The following PCDHGA4 variants were observed in gnomAD, a reference collection of about 807,000 sequenced individuals.
The protein encoded by PCDHGA4 is protocadherin gamma-A4.
Under a neutral mutation model 54.6 loss-of-function variants are expected in PCDHGA4, and 38 were observed. The observed-to-expected ratio is 0.70, with a 90% CI of 0.54 to 0.91. PCDHGA4 has a LOEUF of 0.91. Ranked by LOEUF, PCDHGA4 falls within the 40% of genes least tolerant of loss-of-function variation. The pLI is 0.00. For missense variants in PCDHGA4, 1,298 were observed against 1,220.9 expected, an observed-to-expected ratio of 1.06 and a Z score of -0.94; for synonymous variants, 511 against 512.9, an observed-to-expected ratio of 1.00 and a Z score of 0.05.
intron 1 of PCDHGA4, chr5:141,430,966 A>G: frequency 1.2e-6 from 2 of 1,612,916 alleles, no homozygotes. Context: ...TCATCCCCAG[A>G]GGTAGGACGC....
intron 1 of PCDHGA4, chr5:141,399,681 C>A (rs2093865042): frequency 1.2e-6 from 2 of 1,613,408 alleles, no homozygotes; most frequent in Non-Finnish European, 1.7e-6. Flanking sequence ...CCTTTGACTA[C>A]GAGCAGCTGC....
At chr5:141,418,672 G>A (rs1170411469) in intron 1 of PCDHGA4, 3 of 1,614,022 alleles carry the variant, frequency 1.9e-6, no homozygotes, top group Non-Finnish European at 2.5e-6. Context: ...ACCAGGACGA[G>A]GGCATCAACT....
chr5:141,490,331 C>G lies in PCDHGA4; in HGVS notation c.2515-4476C>G. 6.2e-7 allele frequency: 1 copy of G among 1,614,214 alleles called. No individual in the cohort carries two copies. The highest frequency in any genetic ancestry group is 1.1e-5 in the South Asian group (1 of 91,086). The stretch of plus-strand genomic sequence containing the variant: ...GCCAACCCTGTCCTAGAGAGCACAC[C>G]AGTGGGCACAGTAGTGGGGTTGTTT... On this transcript the variant is annotated intron_variant, in intron 1 of 3. Transcript: ENST00000571252. This position sits in a 1 kb window ranked among gnomAD's most constrained non-coding sequence, Gnocchi z 5.4.
chr5:141,438,764 C>T (rs963627140), intron 1 of PCDHGA4, among the ~76,000 whole-genome samples: 38 of 148,736 alleles, frequency 2.6e-4, no homozygotes, highest in African/African-American at 9.4e-4. Context: ...TGGGTTCAAG[C>T]GATTCTCCTG....
At chr5:141,410,117 C>T (rs768592770) in intron 1 of PCDHGA4, 6 of 1,612,766 alleles carry the variant, frequency 3.7e-6, no homozygotes, top group Admixed American at 3.3e-5. Context: ...GGACGCAGCC[C>T]GCCAGCGCCT....
intron 1 of PCDHGA4, chr5:141,423,881 G>A (rs2096788712): frequency 7.8e-7 from 1 of 1,281,784 alleles, no homozygotes; most frequent in Non-Finnish European, 9.9e-7. Flanking sequence ...TTCAATCTTG[G>A]CATATTTTCT....
chr5:141,433,358 C>CCCATCTAT (rs1554125967), intron 1 of PCDHGA4: 6 of 503,934 alleles, frequency 1.2e-5, no homozygotes, highest in Admixed American at 3.6e-5. Context: ...CTACTGTCTG[C>CCCATCTAT]CTATCTATCT....
chr5:141,460,951 GTA>G (rs200454978), intron 1 of PCDHGA4, among the ~76,000 whole-genome samples: 208 of 139,744 alleles, frequency 1.5e-3, no homozygotes, highest in South Asian at 4.3e-3. Flanking sequence ...TATGTATTAT[GTA>G]TATATATATG....
intron 1 of PCDHGA4, among the ~76,000 whole-genome samples, chr5:141,455,137 G>A (rs892739175): frequency 2.7e-5 from 4 of 150,642 alleles, no homozygotes; most frequent in African/African-American, 9.8e-5. Flanking sequence ...ATTACACTGT[G>A]TTAAATAAAT....
In PCDHGA4 at chr5:141,356,373, A is replaced by G. The variant is rs1377588447; in HGVS notation, c.1266A>G (p.Pro422=). 22 of 1,562,508 alleles carry G rather than the reference A, an allele frequency of 1.4e-5. No homozygotes were observed. Among genetic ancestry groups the G allele is most frequent in the Non-Finnish European group, 1.8e-5 (21 of 1,152,858 alleles). The part of the protein sequence containing the change: ...LVTCSIPDNL[P]FTLEKTYGNY... Reference sequence around the variant, plus strand: ...CATGTTCTATTCCAGATAATCTGCCATTCACACTTGAAAAGACCTATGGAA... The same window carrying G: ...CATGTTCTATTCCAGATAATCTGCCGTTCACACTTGAAAAGACCTATGGAA... Residue 422 remains proline (P), a synonymous_variant, in exon 1 of 4, where the codon CCA becomes CCG. Coordinates refer to ENST00000571252, the MANE Select transcript of PCDHGA4 (RefSeq NM_018917.4).
At chr5:141,414,285 A>G (rs766515802) in intron 1 of PCDHGA4, 1 of 1,613,634 alleles carries the variant, frequency 6.2e-7, no homozygotes, top group East Asian at 2.2e-5. Context: ...GAACAGTCGT[A>G]GCCCTTTTAA....
In PCDHGA4 at chr5:141,355,298, A is replaced by G. The variant is rs374574090; in HGVS notation, c.191A>G (p.Tyr64Cys). Reference sequence around the variant, plus strand: ...GAAATCAGGGCCGAACAGATTCTCTACTCGGTGTTTGAGGAGCAGGAAGAA... The same window carrying G: ...GAAATCAGGGCCGAACAGATTCTCTGCTCGGTGTTTGAGGAGCAGGAAGAA... ...LVEIRAEQILYSVFEEQEEGS... is the reference protein window; with the variant it reads ...LVEIRAEQILCSVFEEQEEGS... The change falls in exon 1 of 4, where the codon TAC becomes TGC. Residue 64 changes from tyrosine to cysteine, a missense_variant. Coordinates refer to ENST00000571252, the MANE Select transcript of PCDHGA4 (RefSeq NM_018917.4). 1.9e-6 allele frequency: 3 copies of G among 1,613,812 alleles called. No individual in the cohort carries two copies. The highest frequency in any genetic ancestry group is 2.5e-6 in the Non-Finnish European group (3 of 1,179,888).
rs1390441638 is a variant in PCDHGA4, at chr5:141,432,562, C to T, written c.2515-62245C>T. 1.9e-6 allele frequency: 3 copies of T among 1,613,964 alleles called. No individual in the cohort carries two copies. Among genetic ancestry groups the T allele is most frequent in the Non-Finnish European group, 2.5e-6 (3 of 1,180,004 alleles). On this transcript the variant is annotated intron_variant, in intron 1 of 3. Coordinates refer to ENST00000571252, the MANE Select transcript of PCDHGA4 (RefSeq NM_018917.4). This position sits in a 1 kb window ranked among gnomAD's most constrained non-coding sequence, Gnocchi z 6.0. ...CGGTGGACAGAGACTCCGGCCAGAA[C>T]GCCTGGCTGTCCTACCGTCTGCTCA...
At chr5:141,395,437 G>T in intron 1 of PCDHGA4, 1 of 668,370 alleles carries the variant, frequency 1.5e-6, no homozygotes, top group Non-Finnish European at 2.4e-6. Context: ...TAAACGACTT[G>T]GAAAAGATTG....
intron 1 of PCDHGA4, chr5:141,403,819 T>A (rs1264553327): frequency 1.2e-6 from 2 of 1,613,784 alleles, no homozygotes; most frequent in Admixed American, 3.3e-5. Flanking sequence ...AAAAACAATC[T>A]CTGCTATTCC....
chr5:141,365,878 T>C (rs745332841), intron 1 of PCDHGA4: 4 of 1,614,104 alleles, frequency 2.5e-6, no homozygotes. Context: ...TCCTGTATGC[T>C]CTGAGATCCT....
intron 2 of PCDHGA4, among the ~76,000 whole-genome samples, chr5:141,502,500 G>A (rs1398797155): frequency 6.6e-6 from 1 of 152,046 alleles, no homozygotes; most frequent in Non-Finnish European, 1.5e-5. Context: ...ATCTAACGTC[G>A]GCCTGTCCCA....
At position 141,460,912 on chromosome 5, in the gene PCDHGA4, G is replaced by GTGTATATA. The variant is rs145509489; in HGVS notation, c.2515-33894_2515-33893insGTATATAT. ...TCGTGGCTGAGTAATATTCCATGGTGTATATATATATATGTGTGTGTGTAT... is the reference window on the plus strand; with the variant it reads ...TCGTGGCTGAGTAATATTCCATGGTGTGTATATATATATATATATATGTGTGTGTGTAT... On this transcript the variant is annotated intron_variant, in intron 1 of 3. Transcript: ENST00000571252. Among the ~76,000 whole-genome samples the GTGTATATA allele has an allele frequency of 5.0e-3, 740 of 149,316 alleles. 4 individuals are homozygous for GTGTATATA. The highest frequency in any genetic ancestry group is 0.015 in the African/African-American group (617 of 40,618).
At chr5:141,360,220 C>T in intron 1 of PCDHGA4, 1 of 1,613,660 alleles carries the variant, frequency 6.2e-7, no homozygotes, top group Non-Finnish European at 8.5e-7. Context: ...CCCCGGGGCT[C>T]TCCCAGTCCA....
Sources: gnomAD v4.1 joint callset for allele counts (sites outside exome capture counted in the v4.1 genomes callset) on GRCh38, gnomAD v4.1.1 for gene constraint, Gnocchi (gnomAD v3.1) non-coding constraint, MANE v1.5 for transcripts, NCBI Gene and HGNC (gene_info 2026-07-23, HGNC 2026-07-21) for gene names.